The following EGFLAM variants were observed in gnomAD, a reference collection of about 807,000 sequenced individuals.
EGFLAM encodes EGF like, fibronectin type III and laminin G domains, also known as pikachurin.
EGFLAM carries 79 observed loss-of-function variants against 113.1 expected under a neutral mutation model. The ratio of observed to expected loss-of-function variants is 0.70; its 90% CI spans 0.58 to 0.84. The LOEUF (loss-of-function observed/expected upper bound fraction) is 0.84, where lower values mean the gene tolerates loss of function less well. Among genes scored for constraint, EGFLAM ranks in the 40% least tolerant of loss-of-function variants. The pLI is 0.00. For missense variants in EGFLAM, 1,265 were observed against 1,291.6 expected (o/e 0.98, Z 0.32); for synonymous variants, 504 against 487.6 (o/e 1.03, Z -0.44).
At chr5:38,433,581 A>G (rs1431019136) in intron 15 of EGFLAM, among the ~76,000 whole-genome samples, 2 of 152,310 alleles carry the variant, frequency 1.3e-5, no homozygotes, top group East Asian at 3.9e-4. Flanking sequence ...AGCAGCCAAA[A>G]GGAACTGCTC....
At chr5:38,394,031 G>T (rs1740886702) in intron 6 of EGFLAM, among the ~76,000 whole-genome samples, 1 of 152,092 alleles carries the variant, frequency 6.6e-6, no homozygotes, top group African/African-American at 2.4e-5. Context: ...GCCATCTCCG[G>T]CTAGGCCCAT....
chr5:38,405,146 C>A (rs996931976), intron 6 of EGFLAM, among the ~76,000 whole-genome samples: 5 of 151,600 alleles, frequency 3.3e-5, no homozygotes, highest in African/African-American at 9.7e-5. Context: ...GTTTTAAAGA[C>A]CTTTTAGTGA....
chr5:38,381,151 C>A lies in EGFLAM; in HGVS notation c.712+10689C>A, dbSNP rs12657082. Among the ~76,000 whole-genome samples, 55 of 152,234 alleles carry A rather than the reference C, an allele frequency of 3.6e-4. 1 individual carries two copies. In the East Asian group the frequency reaches 9.8e-3, roughly 27 times the overall value. ...GTTTCCTTTTATTTACTTAATTATCCATTTTGTTCTCTTTCCTTCACATTC... is the reference window on the plus strand; with the variant it reads ...GTTTCCTTTTATTTACTTAATTATCAATTTTGTTCTCTTTCCTTCACATTC... On this transcript the variant is annotated intron_variant, in intron 6 of 21. Transcript: ENST00000322350.
intron 1 of EGFLAM, among the ~76,000 whole-genome samples, chr5:38,322,561 G>A (rs1021124249): frequency 5.3e-5 from 8 of 152,170 alleles, no homozygotes; most frequent in South Asian, 2.1e-4. Flanking sequence ...TCCCCATGAA[G>A]TATTTAGGGA....
intron 1 of EGFLAM, among the ~76,000 whole-genome samples, chr5:38,336,370 G>C (rs1185306894): frequency 6.6e-6 from 1 of 152,114 alleles, no homozygotes; most frequent in African/African-American, 2.4e-5. Context: ...TCAGGAGATC[G>C]AGACCATCTT....
chr5:38,340,598 C>T (rs1439559557), intron 3 of EGFLAM, among the ~76,000 whole-genome samples: 4 of 152,076 alleles, frequency 2.6e-5, no homozygotes, highest in African/African-American at 4.8e-5. Context: ...GATCAGATGT[C>T]GTTATTAACA....
chr5:38,416,535 C>T (rs1301545416), intron 11 of EGFLAM, among the ~76,000 whole-genome samples: 2 of 152,176 alleles, frequency 1.3e-5, no homozygotes, highest in Admixed American at 6.5e-5. Context: ...GAAGGCAACC[C>T]TCATCTGAAA....
At chr5:38,386,790 C>T (rs1740674317) in intron 6 of EGFLAM, among the ~76,000 whole-genome samples, 1 of 152,232 alleles carries the variant, frequency 6.6e-6, no homozygotes, top group Admixed American at 6.5e-5. Context: ...CAGGAGTGAG[C>T]CACTGTGCCC....
At chr5:38,399,972 A>T (rs59464956) in intron 6 of EGFLAM, 3 of 152,200 alleles carry the variant, frequency 2.0e-5, no homozygotes, top group African/African-American at 7.2e-5. Flanking sequence ...TTCTTCTTCA[A>T]ACCTTGCTTG....
In EGFLAM at chr5:38,350,526, C is replaced by T. The variant is rs150361967; in HGVS notation, c.317C>T (p.Pro106Leu). Residue 106 changes from proline to leucine, a missense_variant, in exon 4 of 22, where the codon CCA becomes CTA. Pro to Leu is a moderately conservative substitution (Grantham distance 98). Transcript: ENST00000322350. ...GAGGAAGTGATTGGAGATTTGAAACCAGGCACTGAATATCGTGTGAGCATA... is the reference window on the plus strand; with the variant it reads ...GAGGAAGTGATTGGAGATTTGAAACTAGGCACTGAATATCGTGTGAGCATA... The part of the protein sequence containing the change: ...TTEEVIGDLK[P>L]GTEYRVSIAA... The T allele has an allele frequency of 1.2e-6, 2 of 1,613,770 alleles. No individual in the cohort carries two copies. The highest frequency in any genetic ancestry group is 1.7e-6 in the Non-Finnish European group (2 of 1,179,844).
chr5:38,445,475 C>T, intron 17 of EGFLAM: 1 of 1,432,284 alleles, frequency 7.0e-7, no homozygotes, highest in Non-Finnish European at 9.2e-7. Flanking sequence ...TGGCTGGGTG[C>T]CAATCATGCT....
At chr5:38,352,671 G>T (rs1739661598) in intron 5 of EGFLAM, among the ~76,000 whole-genome samples, 1 of 150,976 alleles carries the variant, frequency 6.6e-6, no homozygotes, top group South Asian at 2.1e-4. Context: ...AGCCAAATGT[G>T]TAGATGTCAG....
At chr5:38,408,690 G>T (rs192223971) in intron 9 of EGFLAM, among the ~76,000 whole-genome samples, 6 of 152,198 alleles carry the variant, frequency 3.9e-5, no homozygotes, top group Non-Finnish European at 7.3e-5. Context: ...CACTGTGACC[G>T]TGGTCTTTGT....
intron 3 of EGFLAM, among the ~76,000 whole-genome samples, chr5:38,340,306 G>T (rs1739303122): frequency 6.6e-6 from 1 of 152,022 alleles, no homozygotes; most frequent in South Asian, 2.1e-4. Context: ...CCTTGAAAGG[G>T]GTGTAATAAT....
At chr5:38,293,500 A>T (rs1406683124) in intron 1 of EGFLAM, among the ~76,000 whole-genome samples, 13 of 152,166 alleles carry the variant, frequency 8.5e-5, no homozygotes, top group Non-Finnish European at 2.9e-5. Context: ...TCCTTTAAGG[A>T]CTTCTTCCAT....
intron 1 of EGFLAM, among the ~76,000 whole-genome samples, chr5:38,260,086 A>G (rs1249052127): frequency 6.6e-6 from 1 of 152,212 alleles, no homozygotes; most frequent in Non-Finnish European, 1.5e-5. Context: ...CACTCCATTT[A>G]TGAGCTCTTC....
At chr5:38,298,521 T>C (rs1010467512) in intron 1 of EGFLAM, among the ~76,000 whole-genome samples, 17 of 152,268 alleles carry the variant, frequency 1.1e-4, no homozygotes, top group Admixed American at 7.8e-4. Flanking sequence ...GTGTTGGGGT[T>C]TTGAGATGGT....
chr5:38,308,054 T>C (rs567582057), intron 1 of EGFLAM, among the ~76,000 whole-genome samples: 2 of 152,346 alleles, frequency 1.3e-5, no homozygotes, highest in Admixed American at 6.5e-5. Flanking sequence ...AAGAATAGTT[T>C]CCCAGAAAAA....
intron 20 of EGFLAM, among the ~76,000 whole-genome samples, chr5:38,461,894 A>G (rs148891680): frequency 0.013 from 2,032 of 151,270 alleles, 46 homozygotes; most frequent in African/African-American, 0.047. Flanking sequence ...GGCCGGGTGC[A>G]GTGGCTCACG....
Sources: gnomAD v4.1 joint callset for allele counts (sites outside exome capture counted in the v4.1 genomes callset) on GRCh38, gnomAD v4.1.1 for gene constraint, MANE v1.5 for transcripts, NCBI Gene and HGNC (gene_info 2026-07-23, HGNC 2026-07-21) for gene names.